Variants in NFIB observed in about 807,000 individuals in gnomAD.
NFIB encodes the protein nuclear factor I B.
In NFIB, 11 loss-of-function variants were observed where a neutral mutation model predicts 61.5. That is an observed-to-expected ratio of 0.18 (90% confidence interval 0.11 to 0.30). The LOEUF is 0.30. Among genes scored for constraint, NFIB ranks in the 10% least tolerant of loss-of-function variants. NFIB has a pLI of 1.00. For synonymous variants in NFIB, 260 were observed against 216.5 expected (o/e 1.20, Z -1.76); for missense variants, 471 against 608.9 (o/e 0.77, Z 2.38).
chr9:14,501,367 A>T, the NFIB span, among the ~76,000 whole-genome samples: 1 of 152,182 alleles, frequency 6.6e-6, no homozygotes, highest in Admixed American at 6.5e-5. Context: ...TTTGGTATAC[A>T]GATTTCTTGT....
intron 3 of NFIB, among the ~76,000 whole-genome samples, chr9:14,160,031 C>CA (rs1290166450): frequency 6.6e-6 from 1 of 152,088 alleles, no homozygotes. Context: ...TTAATGGTTA[C>CA]AGAGCAATAT....
At chr9:14,499,165 A>C in the NFIB span, among the ~76,000 whole-genome samples, 293 of 152,210 alleles carry the variant, frequency 1.9e-3, 2 homozygotes, top group African/African-American at 6.7e-3. Flanking sequence ...GCCAGCAAAT[A>C]TATATTTTTT....
chr9:14,215,273 T>C (rs1471125275), intron 2 of NFIB, among the ~76,000 whole-genome samples: 2 of 150,590 alleles, frequency 1.3e-5, no homozygotes, highest in South Asian at 2.1e-4. Context: ...CAGGCATAAA[T>C]ACTCAGAACA....
chr9:14,250,919 TA>T (rs1469579323), intron 2 of NFIB, among the ~76,000 whole-genome samples: 1 of 152,222 alleles, frequency 6.6e-6, no homozygotes, highest in Non-Finnish European at 1.5e-5. Context: ...TCTGAGTTAA[TA>T]AAAGTTTTTT....
At chr9:14,444,398 A>G in the NFIB span, among the ~76,000 whole-genome samples, 4 of 152,200 alleles carry the variant, frequency 2.6e-5, no homozygotes, top group Non-Finnish European at 4.4e-5. Context: ...CTAGAAGGTA[A>G]TGGCTAGAAA....
intron 10 of NFIB, among the ~76,000 whole-genome samples, chr9:14,097,416 C>T (rs753689178): frequency 6.6e-6 from 1 of 152,058 alleles, no homozygotes; most frequent in Non-Finnish European, 1.5e-5. Flanking sequence ...GAATAAAGCT[C>T]CCCCCAGGAA....
chr9:14,432,932 A>G, the NFIB span, among the ~76,000 whole-genome samples: 1 of 152,186 alleles, frequency 6.6e-6, no homozygotes, highest in African/African-American at 2.4e-5. Context: ...GCTCTGAAAG[A>G]ACTTGATAGA....
At chr9:14,236,456 T>A (rs544381187) in intron 2 of NFIB, among the ~76,000 whole-genome samples, 2 of 152,222 alleles carry the variant, frequency 1.3e-5, no homozygotes, top group Admixed American at 1.3e-4. Flanking sequence ...TGCCCTAGAG[T>A]CCACGGGTGT....
the NFIB span, among the ~76,000 whole-genome samples, chr9:14,447,989 AG>A: frequency 6.6e-6 from 1 of 152,212 alleles, no homozygotes; most frequent in African/African-American, 2.4e-5. Context: ...TTGATACTTT[AG>A]CCTATACTGA....
At chr9:14,171,347 T>C (rs551735897) in intron 3 of NFIB, among the ~76,000 whole-genome samples, 2 of 152,354 alleles carry the variant, frequency 1.3e-5, no homozygotes, top group Admixed American at 6.5e-5. Flanking sequence ...ATCCAAACTG[T>C]TCCATGCATC....
At chr9:14,191,665 C>A (rs569035374) in intron 2 of NFIB, among the ~76,000 whole-genome samples, 157 of 152,096 alleles carry the variant, frequency 1.0e-3, no homozygotes, top group Admixed American at 2.1e-3. Context: ...GCATAATGTC[C>A]CATCCATATG....
At chr9:14,407,745 G>A in the NFIB span, among the ~76,000 whole-genome samples, 1 of 152,098 alleles carries the variant, frequency 6.6e-6, no homozygotes, top group Non-Finnish European at 1.5e-5. Context: ...GGAGTGTGGT[G>A]GTACAATCAT....
At chr9:14,238,050 G>A (rs189172037) in intron 2 of NFIB, among the ~76,000 whole-genome samples, 87 of 152,142 alleles carry the variant, frequency 5.7e-4, no homozygotes, top group Admixed American at 4.0e-3. Context: ...GCAGGGTAAG[G>A]AGAAAAAGAC....
At chr9:14,390,989 T>C (rs929973989) in intron 1 of NFIB, among the ~76,000 whole-genome samples, 13 of 152,222 alleles carry the variant, frequency 8.5e-5, no homozygotes, top group African/African-American at 2.9e-4. Context: ...ATTGCATATA[T>C]AAAGAAATGG....
chr9:14,386,915 A>C (rs2061556081), intron 1 of NFIB, among the ~76,000 whole-genome samples: 1 of 152,224 alleles, frequency 6.6e-6, no homozygotes, highest in Non-Finnish European at 1.5e-5. Flanking sequence ...ATTAAAGGAA[A>C]GTCGGTTGCA....
intron 4 of NFIB, among the ~76,000 whole-genome samples, chr9:14,151,321 G>C: frequency 6.6e-6 from 1 of 152,076 alleles, no homozygotes; most frequent in East Asian, 1.9e-4. Context: ...AGAGGAAGAG[G>C]TATAAATGAA....
chr9:14,327,649 A>G (rs1212473602), intron 1 of NFIB, among the ~76,000 whole-genome samples: 1 of 152,182 alleles, frequency 6.6e-6, no homozygotes, highest in African/African-American at 2.4e-5. Context: ...GGGTGTTTTG[A>G]AAACCTTCAA....
the NFIB span, among the ~76,000 whole-genome samples, chr9:14,437,249 A>G: frequency 9.2e-5 from 14 of 152,358 alleles, no homozygotes; most frequent in African/African-American, 3.4e-4. Context: ...TGTGCAGGAA[A>G]AAACACCTAT....
the NFIB span, among the ~76,000 whole-genome samples, chr9:14,422,777 A>G: frequency 6.6e-6 from 1 of 152,194 alleles, no homozygotes; most frequent in Non-Finnish European, 1.5e-5. Flanking sequence ...AGGAAGGTGC[A>G]GAGTGCTGTG....
Sources: allele counts gnomAD v4.1 joint callset (sites outside exome capture counted in the v4.1 genomes callset), GRCh38; gene constraint gnomAD v4.1.1; transcripts MANE v1.5; gene names NCBI Gene and HGNC (gene_info 2026-07-23, HGNC 2026-07-21).